CACNA1D: variants seen among roughly 807,000 people sequenced by gnomAD.
The protein encoded by CACNA1D is calcium voltage-gated channel subunit alpha1 D, also known as voltage-dependent L-type calcium channel subunit alpha-1D.
A neutral mutation model predicts 257.1 loss-of-function variants in CACNA1D; 55 were observed. The ratio of observed to expected loss-of-function variants is 0.21; its 90% CI spans 0.17 to 0.27. CACNA1D has a LOEUF of 0.27. CACNA1D is among the 10% of genes least tolerant of loss of function. The pLI is 1.00. For synonymous variants in CACNA1D, 980 were observed against 1,014.9 expected (o/e 0.97, Z 0.65); for missense variants, 1,876 against 2,784.0 (o/e 0.67, Z 7.34).
intron 9 of CACNA1D, among the ~76,000 whole-genome samples, chr3:53,705,921 C>A (rs1404188084): frequency 1.3e-5 from 2 of 152,332 alleles, no homozygotes; most frequent in Non-Finnish European, 1.5e-5. Flanking sequence ...CATGGTCCTC[C>A]TCACCAAATA....
At chr3:53,732,739 C>G in intron 18 of CACNA1D, 76 bp from the exon 19 acceptor site, 1 of 1,379,838 alleles carries the variant, frequency 7.2e-7, no homozygotes, top group South Asian at 1.2e-5. Context: ...GCCAAATTTG[C>G]ATGTGAAATT....
At chr3:53,724,234 A>G (rs1247416873) in intron 14 of CACNA1D, among the ~76,000 whole-genome samples, 2 of 152,260 alleles carry the variant, frequency 1.3e-5, no homozygotes, top group African/African-American at 2.4e-5. Flanking sequence ...TTACAAAATA[A>G]TAAACCAAAA....
chr3:53,593,309 T>G (rs2093331085), intron 3 of CACNA1D, among the ~76,000 whole-genome samples: 1 of 152,252 alleles, frequency 6.6e-6, no homozygotes, highest in African/African-American at 2.4e-5. Context: ...AATACAGATC[T>G]GTATGTCTTC....
Position 53,810,313 on chromosome 3 carries a change from TG to T in CACNA1D, c.6192+17del. ...TGGTGGAGGCAGTGAGTACGGTTCT[TG>T]GCCGTGGTGGGCAGGAAGCACCAGG... On this transcript the variant is annotated intron_variant, in intron 47 of 47. Transcript: ENST00000350061. 6.2e-7 allele frequency: 1 copy of T among 1,612,360 alleles called. No homozygotes were observed. Among genetic ancestry groups the T allele is most frequent in the Non-Finnish European group, 8.5e-7 (1 of 1,179,120 alleles).
rs2094504373 is a variant in CACNA1D at position 53,689,873 on chromosome 3, C to T, written c.1221-12768C>T. Among the ~76,000 whole-genome samples, 6 of 152,278 alleles carry T rather than the reference C, an allele frequency of 3.9e-5. No individual in the cohort carries two copies. The South Asian group carries it at 1.2e-3, about 32-fold the overall frequency. ...AACAGGATCTCTCTATGTTGCCTGG[C>T]TGGTCTCAGGTTCTGGCCTCAAGCT... On this transcript the variant is annotated intron_variant, in intron 8 of 47. Transcript: ENST00000350061.
chr3:53,678,828 A>G (rs2108448478), intron 8 of CACNA1D, among the ~76,000 whole-genome samples: 2 of 152,300 alleles, frequency 1.3e-5, no homozygotes, highest in Non-Finnish European at 2.9e-5. Flanking sequence ...TAGCCAGACA[A>G]TCTCTGATTT....
intron 7 of CACNA1D, 130 bp from the exon 8 acceptor site, chr3:53,672,893 C>A: frequency 1.7e-6 from 1 of 594,036 alleles, no homozygotes; most frequent in Non-Finnish European, 3.0e-6. Flanking sequence ...GATTTGGCTA[C>A]TGTTGTTTCT....
chr3:53,648,674 GA>G (rs974127374), intron 3 of CACNA1D, among the ~76,000 whole-genome samples: 19 of 152,096 alleles, frequency 1.2e-4, no homozygotes, highest in African/African-American at 4.6e-4. Context: ...GTAGCTGTAT[GA>G]AGGGCATGGG....
chr3:53,739,163 C>G (rs576628046), intron 20 of CACNA1D, among the ~76,000 whole-genome samples: 1 of 152,352 alleles, frequency 6.6e-6, no homozygotes, highest in East Asian at 1.9e-4. Context: ...TGTGACTCTT[C>G]GCTGGCATAC....
At chr3:53,559,020 G>A (rs1000592694) in intron 3 of CACNA1D, among the ~76,000 whole-genome samples, 3 of 151,776 alleles carry the variant, frequency 2.0e-5, no homozygotes, top group Admixed American at 6.6e-5. Context: ...TTTCTTTTTA[G>A]TATTTTCTTA....
intron 8 of CACNA1D, chr3:53,679,094 A>G (rs1439899624): frequency 6.6e-6 from 1 of 150,948 alleles, no homozygotes; most frequent in Non-Finnish European, 1.5e-5. Flanking sequence ...AGGCAGTGAA[A>G]CCCTGTCTCT....
At chr3:53,592,547 T>A (rs1199570490) in intron 3 of CACNA1D, among the ~76,000 whole-genome samples, 1 of 152,206 alleles carries the variant, frequency 6.6e-6, no homozygotes, top group Non-Finnish European at 1.5e-5. Context: ...AGGTCTCTCA[T>A]GAGCTTAAGG....
chr3:53,691,171 G>T (rs2094516056), intron 8 of CACNA1D, among the ~76,000 whole-genome samples: 1 of 145,568 alleles, frequency 6.9e-6, no homozygotes, highest in African/African-American at 2.6e-5. Flanking sequence ...TTGGGGGGGA[G>T]ATGGAGTCTT....
intron 30 of CACNA1D, among the ~76,000 whole-genome samples, chr3:53,763,812 A>G (rs1031634550): frequency 6.6e-6 from 1 of 152,202 alleles, no homozygotes; most frequent in Non-Finnish European, 1.5e-5. Context: ...TTGCAGCCCT[A>G]GTTCCAAACT....
intron 8 of CACNA1D, among the ~76,000 whole-genome samples, chr3:53,680,141 C>T (rs1294805322): frequency 3.3e-5 from 5 of 152,124 alleles, no homozygotes; most frequent in East Asian, 3.9e-4. Context: ...ACCTCTCTGC[C>T]GCTGGCTTAC....
At chr3:53,722,103 A>G (rs1423866362) in intron 11 of CACNA1D, among the ~76,000 whole-genome samples, 1 of 152,236 alleles carries the variant, frequency 6.6e-6, no homozygotes, top group African/African-American at 2.4e-5. Flanking sequence ...TCAAGTCAAG[A>G]TTATACTTTT....
chr3:53,690,487 C>T (rs547803598), intron 8 of CACNA1D, among the ~76,000 whole-genome samples: 1 of 152,134 alleles, frequency 6.6e-6, no homozygotes, highest in Non-Finnish European at 1.5e-5. Flanking sequence ...AGTCTCTGAG[C>T]CCAGCCCTGG....
In CACNA1D at chr3:53,786,877, T is replaced by C. The variant is rs1250620299; in HGVS notation, c.4848T>C (p.Phe1616=). The part of the protein sequence containing the change: ...FYATFLIQDY[F]RKFKKRKEQG... ...CCACTTTCCTGATACAGGACTACTTTAGGAAATTCAAGAAACGGAAAGAAC... is the reference window on the plus strand; with the variant it reads ...CCACTTTCCTGATACAGGACTACTTCAGGAAATTCAAGAAACGGAAAGAAC... The change falls in exon 40 of 48, where the codon TTT becomes TTC. Residue 1616 remains phenylalanine, a synonymous_variant. Transcript: ENST00000350061. The C allele has an allele frequency of 1.9e-6, 3 of 1,613,592 alleles. No individual in the cohort carries two copies. Among genetic ancestry groups the C allele is most frequent in the Admixed American group, 1.7e-5 (1 of 60,012 alleles).
intron 9 of CACNA1D, among the ~76,000 whole-genome samples, chr3:53,706,401 G>A (rs1412848188): frequency 6.6e-6 from 1 of 152,244 alleles, no homozygotes; most frequent in East Asian, 1.9e-4. Flanking sequence ...GGATGTGGCT[G>A]CAATGGAGTT....
Sources: allele counts gnomAD v4.1 joint callset (sites outside exome capture counted in the v4.1 genomes callset), GRCh38; gene constraint gnomAD v4.1.1; transcripts MANE v1.5; gene names NCBI Gene and HGNC (gene_info 2026-07-23, HGNC 2026-07-21).